ZNF333: variants seen among roughly 807,000 people sequenced by gnomAD.
ZNF333 encodes zinc finger protein 333.
Under a neutral mutation model 76.1 loss-of-function variants are expected in ZNF333, and 61 were observed. The ratio of observed to expected loss-of-function variants is 0.80; its 90% CI spans 0.65 to 0.99. The LOEUF (loss-of-function observed/expected upper bound fraction) is 0.99, where lower values mean the gene tolerates loss of function less well. Among genes scored for constraint, ZNF333 ranks in the 50% least tolerant of loss-of-function variants. The pLI is 0.00. For synonymous variants in ZNF333, 284 were observed against 305.0 expected (o/e 0.93, Z 0.72); for missense variants, 717 against 822.4 (o/e 0.87, Z 1.57).
In ZNF333 at chr19:14,693,109, C is replaced by CA. The variant is rs528685890; in HGVS notation, c.-41-333dup. Among the ~76,000 whole-genome samples, 1,153 of 149,056 alleles carry CA rather than the reference C, an allele frequency of 7.7e-3. 14 individuals are homozygous for CA. The highest frequency in any genetic ancestry group is 8.5e-3 in the African/African-American group (346 of 40,520). Reference sequence around the variant, plus strand: ...CCAGCCTGAGCAACAGAGTGAGACTCAAAAAAAAAGGTTTACATCACAGTT... The same window carrying CA: ...CCAGCCTGAGCAACAGAGTGAGACTCAAAAAAAAAAGGTTTACATCACAGTT... On this transcript the variant is annotated intron_variant, in intron 1 of 11. Transcript: ENST00000292530.
chr19:14,715,517 GCTGGACTTAC>G (rs747143628), intron 8 of ZNF333, 47 bp downstream of exon 8: 4 of 1,571,808 alleles, frequency 2.5e-6, no homozygotes, highest in Non-Finnish European at 3.5e-6. Context: ...GTGCCCAAAG[GCTGGACTTAC>G]CTTCTTCCTG....
chr19:14,690,209 A>C (rs1972649412), intron 1 of ZNF333, 59 bp downstream of exon 1: 1 of 149,006 alleles, frequency 6.7e-6, no homozygotes, highest in African/African-American at 2.5e-5. Context: ...TGGCGCGGGG[A>C]GGGACTGGAG....
At chr19:14,703,799 TAAG>T (rs2042032557) in intron 5 of ZNF333, among the ~76,000 whole-genome samples, 1 of 152,058 alleles carries the variant, frequency 6.6e-6, no homozygotes, top group Non-Finnish European at 1.5e-5. Context: ...GAGAGTGAGA[TAAG>T]GAGCTGGTAC....
At chr19:14,710,789 A>C (rs545021316) in intron 7 of ZNF333, among the ~76,000 whole-genome samples, 1 of 152,188 alleles carries the variant, frequency 6.6e-6, no homozygotes, top group African/African-American at 2.4e-5. Flanking sequence ...AAAAAATAAA[A>C]AAATAAATAA....
At chr19:14,710,727 A>AAGATTGC (rs1481229267) in intron 7 of ZNF333, among the ~76,000 whole-genome samples, 2 of 152,202 alleles carry the variant, frequency 1.3e-5, no homozygotes, top group Non-Finnish European at 2.9e-5. Context: ...GCAGTGAACC[A>AAGATTGC]AGATTGCGCC....
rs1470360312 is a variant in ZNF333 at position 14,718,695 on chromosome 19, G to A, written c.1368G>A (p.Gly456=). Residue 456 remains glycine, a synonymous_variant, in exon 12 of 12, where the codon GGG becomes GGA. Coordinates refer to ENST00000292530, the MANE Select transcript of ZNF333 (RefSeq NM_032433.4). ...AGCCCTACGAGTGTAAAGATTGTGG[G>A]AAAGCCTTCAATCAGCCATCATCCC... is the stretch of plus-strand genomic sequence containing the variant. ...GEKPYECKDC[G]KAFNQPSSLR... The A allele has an allele frequency of 6.2e-7, 1 of 1,614,012 alleles. No homozygotes were observed. The highest frequency in any genetic ancestry group is 1.7e-5 in the Admixed American group (1 of 60,008).
Position 14,720,937 on chromosome 19 carries a change from T to C in ZNF333, c.*1612T>C. The C allele has an allele frequency of 1.1e-6, 1 of 892,792 alleles. No individual in the cohort carries two copies. The highest frequency in any genetic ancestry group is 1.3e-6 in the Non-Finnish European group (1 of 748,348). The allele number at this position is 892,792 out of a possible 1,614,324, so 55.3% of individuals were successfully genotyped here. ...TTGAAGCAATGAAATTAAATATAGATACTGACATTTTTTACATTTCCAACA... is the reference window on the plus strand; with the variant it reads ...TTGAAGCAATGAAATTAAATATAGACACTGACATTTTTTACATTTCCAACA... On this transcript the variant is annotated 3_prime_UTR_variant, in exon 12 of 12. Coordinates refer to ENST00000292530, the MANE Select transcript of ZNF333 (RefSeq NM_032433.4).
At chr19:14,729,126 G>C (rs1323895281) in intron 11 of ZNF333, among the ~76,000 whole-genome samples, 2 of 152,124 alleles carry the variant, frequency 1.3e-5, no homozygotes, top group Non-Finnish European at 2.9e-5. Context: ...GCTGTTTATA[G>C]TAACTTGGGG....
chr19:14,705,253 G>A, intron 6 of ZNF333, 83 bp downstream of exon 6: 1 of 1,289,530 alleles, frequency 7.8e-7, no homozygotes, highest in East Asian at 2.4e-5. Context: ...AATTGGGGGA[G>A]GGGAGGGAAA....
chr19:14,695,073 G>C lies in ZNF333; in HGVS notation c.67G>C (p.Ala23Pro). ...CCAGGAGTGGGCATTGCTGGACAGC[G>C]CACGGAGGAGCCTGTGCAAATACAG... The part of the protein sequence containing the change: ...FIQEWALLDS[A>P]RRSLCKYRML... Residue 23 changes from alanine to proline, a missense_variant, in exon 3 of 12, where the codon GCA becomes CCA. Physicochemically the swap from Ala to Pro is conservative, Grantham distance 27. Coordinates refer to ENST00000292530, the MANE Select transcript of ZNF333 (RefSeq NM_032433.4). 6.2e-7 allele frequency: 1 copy of C among 1,614,076 alleles called. No homozygotes were observed. The highest frequency in any genetic ancestry group is 8.5e-7 in the Non-Finnish European group (1 of 1,179,974).
intron 7 of ZNF333, among the ~76,000 whole-genome samples, chr19:14,714,419 C>T (rs1353167395): frequency 1.3e-5 from 2 of 152,002 alleles, no homozygotes; most frequent in Non-Finnish European, 2.9e-5. Context: ...AGCCAAGGAG[C>T]CCCAAGTGTC....
Position 14,695,645 on chromosome 19 carries a change from C to G in ZNF333, c.207C>G (p.Leu69=). The G allele has an allele frequency of 6.2e-7, 1 of 1,614,158 alleles. No homozygotes were observed. Among genetic ancestry groups the G allele is most frequent in the Non-Finnish European group, 8.5e-7 (1 of 1,180,024 alleles). ...AEPKATERGI[L]RATGVAWESQ... ...CAAAGGCAACAGAACGAGGGATTCTCCGTGCCACAGGTGTTGGTGAGTACC... is the reference window on the plus strand; with the variant it reads ...CAAAGGCAACAGAACGAGGGATTCTGCGTGCCACAGGTGTTGGTGAGTACC... Residue 69 remains leucine, a synonymous_variant, in exon 4 of 12, where the codon CTC becomes CTG. Coordinates refer to ENST00000292530, the MANE Select transcript of ZNF333 (RefSeq NM_032433.4).
chr19:14,709,310 T>C (rs962724000), intron 7 of ZNF333: 1 of 152,244 alleles, frequency 6.6e-6, no homozygotes, highest in African/African-American at 2.4e-5. Flanking sequence ...GTCTTGTGAG[T>C]ACACCAGTCA....
At chr19:14,698,605 T>A (rs1444098482) in intron 4 of ZNF333, among the ~76,000 whole-genome samples, 1 of 150,982 alleles carries the variant, frequency 6.6e-6, no homozygotes. Context: ...TTTGGGAGGC[T>A]GAGGTGGGTG....
chr19:14,693,371 A>G (rs10407394), intron 1 of ZNF333, 80 bp from the exon 2 acceptor site: 427,794 of 1,107,730 alleles, frequency 0.39, 89,776 homozygotes, highest in East Asian at 0.68. Flanking sequence ...TTTGATTGTG[A>G]CCACTCTGCT....
At chr19:14,697,443 C>T (rs1973298879) in intron 4 of ZNF333, among the ~76,000 whole-genome samples, 1 of 148,464 alleles carries the variant, frequency 6.7e-6, no homozygotes, top group African/African-American at 2.5e-5. Flanking sequence ...GTCACTGCAG[C>T]CTCAGCCTTT....
chr19:14,729,186 A>C (rs546795312), intron 11 of ZNF333, among the ~76,000 whole-genome samples: 53 of 152,200 alleles, frequency 3.5e-4, no homozygotes, highest in African/African-American at 1.1e-3. Context: ...TTTGAAGAGA[A>C]ACCGAGAGAT....
rs1249351884 is a variant in ZNF333 at position 14,720,874 on chromosome 19, A to G, written c.*1549A>G. On this transcript the variant is annotated 3_prime_UTR_variant, in exon 12 of 12. Coordinates refer to ENST00000292530, the MANE Select transcript of ZNF333 (RefSeq NM_032433.4). The stretch of plus-strand genomic sequence containing the variant: ...GCTGAAAAATCTTTGTCATTCTGTC[A>G]GTTTTTAAATTTATGTATATACATA... 9 of 936,984 alleles carry G rather than the reference A, an allele frequency of 9.6e-6. No individual in the cohort carries two copies. The highest frequency in any genetic ancestry group is 1.1e-5 in the Non-Finnish European group (9 of 786,098). The allele number at this position is 936,984 out of a possible 1,614,324, so 58.0% of individuals were successfully genotyped here.
intron 6 of ZNF333, among the ~76,000 whole-genome samples, chr19:14,705,819 T>C (rs1246888832): frequency 6.6e-6 from 1 of 152,132 alleles, no homozygotes; most frequent in Admixed American, 6.5e-5. Flanking sequence ...AACTAATGCC[T>C]GATAATTGAG....
Sources: allele counts gnomAD v4.1 joint callset (sites outside exome capture counted in the v4.1 genomes callset), GRCh38; gene constraint gnomAD v4.1.1; transcripts MANE v1.5; gene names NCBI Gene and HGNC (gene_info 2026-07-23, HGNC 2026-07-21).